The following DDHD2 variants were observed in gnomAD, a reference collection of about 807,000 sequenced individuals.
DDHD2 encodes the protein DDHD domain containing 2.
In DDHD2, 62 loss-of-function variants were observed where a neutral mutation model predicts 91.2. The ratio of observed to expected loss-of-function variants is 0.68; its 90% confidence interval spans 0.55 to 0.84. DDHD2 has a LOEUF of 0.84. Ranked by LOEUF, DDHD2 falls within the 40% of genes least tolerant of loss-of-function variation. DDHD2 has a pLI of 0.00. For synonymous variants in DDHD2, 271 were observed against 293.9 expected, an observed-to-expected ratio of 0.92 and a Z score of 0.80; for missense variants, 740 against 846.9, an observed-to-expected ratio of 0.87 and a Z score of 1.57.
At position 38,233,043 on chromosome 8, in the gene DDHD2, TC is replaced by T; in HGVS notation, c.50del (p.Ser17PhefsTer12). ...GGAGCAGTTGTCCCAGTCAGATCCATCTCCGTCACCAAACTCATGTAGTTCC... is the reference window on the plus strand; with the variant it reads ...GGAGCAGTTGTCCCAGTCAGATCCATTCCGTCACCAAACTCATGTAGTTCC... ...QQEQLSQSDPSPSPNSCSSFE... is the reference protein window; with the variant it reads ...QQEQLSQSDPXPSPNSCSSFE... On this transcript the variant is annotated frameshift_variant, in exon 2 of 18. Coordinates refer to ENST00000397166, the MANE Select transcript of DDHD2 (RefSeq NM_015214.3). LOFTEE classifies it high-confidence loss of function. The T allele has an allele frequency of 3.1e-6, 5 of 1,614,176 alleles. No homozygotes were observed. Among genetic ancestry groups the T allele is most frequent in the Non-Finnish European group, 4.2e-6 (5 of 1,180,026 alleles).
chr8:38,249,044 T>G (rs946889583), intron 10 of DDHD2, among the ~76,000 whole-genome samples: 4 of 152,158 alleles, frequency 2.6e-5, no homozygotes, highest in Non-Finnish European at 4.4e-5. Context: ...CTTGCGTTCA[T>G]CAGCAGGAGT....
At chr8:38,236,614 C>G (rs556888399) in intron 3 of DDHD2, among the ~76,000 whole-genome samples, 2 of 152,114 alleles carry the variant, frequency 1.3e-5, no homozygotes, top group East Asian at 3.9e-4. Context: ...CTCCTGGGTT[C>G]AAGCGATTCT....
chr8:38,233,142 A>G lies in DDHD2; in HGVS notation c.148A>G (p.Ile50Val), dbSNP rs1804425940. The change falls in exon 2 of 18, where the codon ATA becomes GTA. Residue 50 changes from isoleucine (I) to valine (V), a missense_variant. By Grantham distance (29) the Ile-to-Val change is conservative. Coordinates refer to ENST00000397166, the MANE Select transcript of DDHD2 (RefSeq NM_015214.3). ...TCCCCATTGGTTTTATTGTAAGATA[A>G]TAGATTCTAAGGAGACATGGATTCC... ...VSPHWFYCKI[I>V]DSKETWIPFN... The G allele has an allele frequency of 6.2e-7, 1 of 1,614,166 alleles. No individual in the cohort carries two copies. The highest frequency in any genetic ancestry group is 8.5e-7 in the Non-Finnish European group (1 of 1,180,016).
chr8:38,250,039 C>A (rs560998033), intron 11 of DDHD2: 75 of 218,294 alleles, frequency 3.4e-4, no homozygotes, highest in African/African-American at 1.6e-3. Context: ...GCCTCAGCCT[C>A]TCGAGTAGCT....
rs965918748 is a variant in DDHD2, at chr8:38,260,141, G to A, written c.*20G>A. The stretch of plus-strand genomic sequence containing the variant: ...CAGTAAAAATGACCCATCTATGGCT[G>A]CTTAATGTAAGTTTTAAAATGTCAT... On this transcript the variant is annotated 3_prime_UTR_variant, in exon 17 of 18. Coordinates refer to ENST00000397166, the MANE Select transcript of DDHD2 (RefSeq NM_015214.3). 2.0e-6 allele frequency: 3 copies of A among 1,537,786 alleles called. No individual in the cohort carries two copies. Among genetic ancestry groups the A allele is most frequent in the Non-Finnish European group, 2.7e-6 (3 of 1,111,848 alleles).
At chr8:38,252,850 A>T (rs1296204426) in intron 14 of DDHD2, 26 bp downstream of exon 14, 2 of 1,610,018 alleles carry the variant, frequency 1.2e-6, no homozygotes, top group Non-Finnish European at 1.7e-6. Context: ...GAACTTGATA[A>T]TTCTAGACCT....
rs201640343 is a variant in DDHD2 at position 38,234,548 on chromosome 8, T to C, written c.375T>C (p.Tyr125=). The C allele has an allele frequency of 6.6e-4, 1,060 of 1,611,714 alleles. 15 individuals carry two copies. In the South Asian group the frequency reaches 0.011, roughly 17 times the overall value. ...ACAAGGGGGACAAAGACAATAAGTA[T>C]GTTCCCTACTCGGAGAGCTTCAGCC... ...WFYKGDKDNK[Y]VPYSESFSQV... is the part of the protein sequence containing the mutation. Residue 125 remains tyrosine (Y), a synonymous_variant, in exon 3 of 18, where the codon TAT becomes TAC. Transcript: ENST00000397166.
chr8:38,237,845 A>G (rs1804924026), intron 4 of DDHD2, among the ~76,000 whole-genome samples: 1 of 152,230 alleles, frequency 6.6e-6, no homozygotes, highest in Admixed American at 6.5e-5. Context: ...ATGCCACTGT[A>G]GAATAAGAAA....
At position 38,234,475 on chromosome 8, in the gene DDHD2, T is replaced by C. The variant is rs1471270774; in HGVS notation, c.302T>C (p.Val101Ala). The change falls in exon 3 of 18, where the codon GTA becomes GCA. Residue 101 changes from valine (V) to alanine (A), a missense_variant. By Grantham distance (64) the Val-to-Ala change is moderately conservative. This residue lies in a region of DDHD2 where 693 missense variants were observed against 764.2 expected (regional missense o/e 0.91). Transcript: ENST00000397166. The part of the protein sequence containing the change: ...VHLGERMRYA[V>A]YWDELASEVR... ...TTGGGGGAGAGGATGCGGTATGCTG[T>C]ATACTGGGATGAACTGGCATCGGAA... 6.2e-7 allele frequency: 1 copy of C among 1,613,364 alleles called. No individual in the cohort carries two copies. Among genetic ancestry groups the C allele is most frequent in the Admixed American group, 1.7e-5 (1 of 59,688 alleles).
intron 16 of DDHD2, among the ~76,000 whole-genome samples, chr8:38,256,956 C>T (rs1806555386): frequency 6.6e-6 from 1 of 151,874 alleles, no homozygotes; most frequent in Admixed American, 6.6e-5. Context: ...GGCAGTCTCA[C>T]TCTATCACCC....
At position 38,269,179 on chromosome 8, in the gene DDHD2, C is replaced by A. The variant is rs765375665; in HGVS notation, n.88-1943C>A. 6.7e-6 allele frequency: 10 copies of A among 1,500,142 alleles called. No homozygotes were observed. In the East Asian group the frequency reaches 2.7e-4, roughly 41 times the overall value. 92.9% of individuals were successfully genotyped at this position (1,500,142 alleles called of 1,614,324 possible). A position where few individuals can be genotyped will look rare whatever the true frequency, so the allele number is the denominator to read the frequency against. On this transcript the variant is annotated intron_variant and non_coding_transcript_variant, in intron 1 of 1. Transcript: ENST00000526071. The stretch of plus-strand genomic sequence containing the variant: ...CGCCCACTTCGGCCCCAAAGGCCAC[C>A]GCCGCCGCCGCCTTCCCCATCCGGC...
At chr8:38,264,827 C>T, downstream of DDHD2, 1 of 1,574,992 alleles carries the variant, frequency 6.3e-7, no homozygotes, top group African/African-American at 1.4e-5. Context: ...AATCAAAACA[C>T]ATCTTAAGTA....
At chr8:38,236,076 G>A (rs1411817658) in intron 3 of DDHD2, among the ~76,000 whole-genome samples, 17 of 152,084 alleles carry the variant, frequency 1.1e-4, no homozygotes, top group Admixed American at 4.6e-4. Context: ...GCAGTGGCAC[G>A]ATCTTGGCTC....
chr8:38,255,419 C>T, intron 16 of DDHD2: 1 of 426,346 alleles, frequency 2.3e-6, no homozygotes, highest in East Asian at 6.6e-5. Context: ...TCTGTGTGGG[C>T]AGTACATTCA....
intron 10 of DDHD2, among the ~76,000 whole-genome samples, chr8:38,248,558 C>T (rs1423535597): frequency 6.6e-6 from 1 of 152,034 alleles, no homozygotes; most frequent in Non-Finnish European, 1.5e-5. Flanking sequence ...TAATCACACA[C>T]ATCATGGCAA....
At position 38,252,697 on chromosome 8, in the gene DDHD2, T is replaced by C. The variant is rs2898674; in HGVS notation, c.1618-25T>C. ...CCAGACTGTGCTTAGCAGAGGTAAA[T>C]GTAGCTCTTGTTTTTCCTATGTAGT... On this transcript the variant is annotated intron_variant, in intron 13 of 17. Transcript: ENST00000397166. The C allele has an allele frequency of 0.23, 346,223 of 1,536,564 alleles. 40,662 individuals are homozygous for C. Among genetic ancestry groups the C allele is most frequent in the East Asian group, 0.31 (14,000 of 44,446 alleles).
chr8:38,258,205 G>A (rs908456746), intron 16 of DDHD2, among the ~76,000 whole-genome samples: 6 of 150,632 alleles, frequency 4.0e-5, no homozygotes, highest in African/African-American at 1.2e-4. Context: ...TTTTCCCCAC[G>A]TCTCAACACT....
intron 1 of DDHD2, chr8:38,269,107 G>A (rs1464423929): frequency 3.3e-6 from 5 of 1,525,742 alleles, no homozygotes; most frequent in Middle Eastern, 1.9e-4. Flanking sequence ...GCCCGGGCCC[G>A]GCCGTGGATC....
Position 38,246,003 on chromosome 8 carries a change from C to T in DDHD2, c.1057+53C>T, listed in dbSNP as rs914207147. On this transcript the variant is annotated intron_variant, in intron 8 of 17. Transcript: ENST00000397166. ...AGAAGACTATCACATTTTAAAGACA[C>T]CTGTTTTTGAAGCACAATGTCTTTT... is the stretch of plus-strand genomic sequence containing the variant. The T allele has an allele frequency of 2.0e-5, 30 of 1,516,032 alleles. No individual in the cohort carries two copies. In the South Asian group the frequency reaches 2.8e-4, roughly 14 times the overall value. 93.9% of individuals were successfully genotyped at this position (1,516,032 alleles called of 1,614,324 possible).
Sources: gnomAD v4.1 joint callset for allele counts (sites outside exome capture counted in the v4.1 genomes callset) on GRCh38, gnomAD v4.1.1 for gene constraint, gnomAD v4.1.1 regional missense constraint, MANE v1.5 for transcripts, NCBI Gene and HGNC (gene_info 2026-07-23, HGNC 2026-07-21) for gene names.